NKAIN3: variants seen among roughly 807,000 people sequenced by gnomAD.
The protein encoded by NKAIN3 is sodium/potassium-transporting ATPase subunit beta-1-interacting protein 3.
NKAIN3 carries 25 observed loss-of-function variants against 30.2 expected under a neutral mutation model. The observed-to-expected ratio is 0.83, with a 90% CI of 0.60 to 1.16. The LOEUF is 1.16. Among genes scored for constraint, NKAIN3 ranks in the 50% most tolerant of loss-of-function variants. The pLI is 0.00. For synonymous variants in NKAIN3, 91 were observed against 89.6 expected (o/e 1.02, Z -0.09); for missense variants, 225 against 254.1 (o/e 0.89, Z 0.78).
chr8:62,396,442 T>C (rs541646071), intron 1 of NKAIN3, among the ~76,000 whole-genome samples: 2 of 152,350 alleles, frequency 1.3e-5, no homozygotes, highest in South Asian at 2.1e-4. Flanking sequence ...AGGCAGTTTA[T>C]ACTGGAATGT....
At chr8:62,456,549 C>A (rs1054237159) in intron 1 of NKAIN3, among the ~76,000 whole-genome samples, 6 of 151,582 alleles carry the variant, frequency 4.0e-5, no homozygotes, top group Non-Finnish European at 7.4e-5. Flanking sequence ...ATAAGGAAAT[C>A]TTTCTTGATC....
intron 4 of NKAIN3, among the ~76,000 whole-genome samples, chr8:62,843,733 T>G (rs1260050121): frequency 1.3e-5 from 2 of 152,242 alleles, no homozygotes; most frequent in Admixed American, 6.5e-5. Flanking sequence ...ATGACTAAGT[T>G]TGTGATGATT....
chr8:62,754,351 T>G lies in NKAIN3; in HGVS notation c.471+7222T>G, dbSNP rs939609875. ...TGGTAAACATGGATTCATATGCTCATGTTGATTAGTGCACACACACACACA... is the reference window on the plus strand; with the variant it reads ...TGGTAAACATGGATTCATATGCTCAGGTTGATTAGTGCACACACACACACA... On this transcript the variant is annotated intron_variant, in intron 4 of 6. Coordinates refer to ENST00000623646, the MANE Select transcript of NKAIN3 (RefSeq NM_001304533.3). Among the ~76,000 whole-genome samples, 17 of 126,524 alleles carry G rather than the reference T, an allele frequency of 1.3e-4. No individual in the cohort carries two copies. In the Admixed American group the frequency reaches 1.5e-3, roughly 11 times the overall value. 83.0% of individuals were successfully genotyped at this position (126,524 alleles called of 152,430 possible).
At chr8:62,436,826 A>G (rs1382275474) in intron 1 of NKAIN3, among the ~76,000 whole-genome samples, 1 of 152,166 alleles carries the variant, frequency 6.6e-6, no homozygotes, top group East Asian at 1.9e-4. Context: ...TGTTTCTCAA[A>G]AGTACTGGAC....
intron 1 of NKAIN3, among the ~76,000 whole-genome samples, chr8:62,540,340 T>C (rs1808799250): frequency 1.3e-5 from 2 of 152,182 alleles, no homozygotes; most frequent in Admixed American, 1.3e-4. Flanking sequence ...CTCCCACTCA[T>C]AATTAACCTC....
intron 3 of NKAIN3, among the ~76,000 whole-genome samples, chr8:62,737,688 C>T (rs1815718890): frequency 6.6e-6 from 1 of 152,146 alleles, no homozygotes; most frequent in Non-Finnish European, 1.5e-5. Flanking sequence ...TTTTGGCACC[C>T]ATCAAGTGGA....
intron 1 of NKAIN3, among the ~76,000 whole-genome samples, chr8:62,464,948 C>T (rs577122031): frequency 5.9e-5 from 9 of 152,214 alleles, no homozygotes; most frequent in South Asian, 2.1e-4. Context: ...ATTGGCATTT[C>T]AATGTACTGA....
At chr8:62,796,383 CA>C (rs71255362) in intron 4 of NKAIN3, among the ~76,000 whole-genome samples, 407 of 53,706 alleles carry the variant, frequency 7.6e-3, no homozygotes, top group East Asian at 0.019. Context: ...GACTCTGTCT[CA>C]AAAAAAAAAA....
chr8:62,772,724 G>A (rs917338491), intron 4 of NKAIN3, among the ~76,000 whole-genome samples: 3 of 149,624 alleles, frequency 2.0e-5, no homozygotes. Context: ...GCAGTGGCAC[G>A]ATCTCAGCTC....
At chr8:62,720,992 A>G (rs1266634256) in intron 3 of NKAIN3, among the ~76,000 whole-genome samples, 2 of 152,218 alleles carry the variant, frequency 1.3e-5, no homozygotes, top group African/African-American at 4.8e-5. Context: ...ATAGAGAGCC[A>G]CGTAAGAGCA....
At position 62,980,249 on chromosome 8, in the gene NKAIN3, G is replaced by A. The variant is rs948836469; in HGVS notation, c.*14842G>A. 6.6e-6 allele frequency: 1 copy of A among 152,172 alleles called. No homozygotes were observed. Among genetic ancestry groups the A allele is most frequent in the Non-Finnish European group, 1.5e-5 (1 of 68,032 alleles). The allele number at this position is 152,172 out of a possible 1,614,324, so 9.4% of individuals were successfully genotyped here. On this transcript the variant is annotated 3_prime_UTR_variant, in exon 7 of 7. Coordinates refer to ENST00000623646, the MANE Select transcript of NKAIN3 (RefSeq NM_001304533.3). ...CCTAAGGAATTGATTTTGCAAATCA[G>A]TGCTAAAGTCACTTTTTAACTGCCT...
rs1396652577 is a variant in NKAIN3, at chr8:62,517,141, CTGAT to C, written c.55-62395_55-62392del. On this transcript the variant is annotated intron_variant, in intron 1 of 6. Transcript: ENST00000623646. ...TTGAATAAATTATAATTTTTTTTCT[CTGAT>C]TGCAGAGGTTGGTGGTGACTTTTAG... Among the ~76,000 whole-genome samples the C allele has an allele frequency of 7.2e-5, 11 of 151,826 alleles. No individual in the cohort carries two copies. The South Asian group carries it at 8.3e-4, about 11-fold the overall frequency.
At chr8:62,866,890 C>A (rs1188945358) in intron 4 of NKAIN3, among the ~76,000 whole-genome samples, 193 of 125,766 alleles carry the variant, frequency 1.5e-3, no homozygotes, top group Non-Finnish European at 2.0e-3. Context: ...ACTAAAAATA[C>A]AAAAAAAAAA....
At chr8:62,506,392 A>G (rs1318688901) in intron 1 of NKAIN3, among the ~76,000 whole-genome samples, 1 of 151,990 alleles carries the variant, frequency 6.6e-6, no homozygotes, top group Non-Finnish European at 1.5e-5. Flanking sequence ...TTTCCTTAGA[A>G]TGCATGGGTA....
chr8:62,368,426 G>A (rs1816803261), intron 1 of NKAIN3, among the ~76,000 whole-genome samples: 1 of 152,168 alleles, frequency 6.6e-6, no homozygotes. Context: ...TTTGACAAAT[G>A]TGTTGAGAAC....
chr8:62,326,957 C>T (rs1019636353), intron 1 of NKAIN3, among the ~76,000 whole-genome samples: 2 of 151,970 alleles, frequency 1.3e-5, no homozygotes, highest in African/African-American at 2.4e-5. Flanking sequence ...CACATCCTTG[C>T]CAACACTTGC....
chr8:62,528,775 G>T (rs919408459), intron 1 of NKAIN3, among the ~76,000 whole-genome samples: 2 of 151,900 alleles, frequency 1.3e-5, no homozygotes, highest in Admixed American at 1.3e-4. Flanking sequence ...GGTATGACGT[G>T]GTTTTCTGTT....
At chr8:62,326,925 G>T (rs1307448903) in intron 1 of NKAIN3, among the ~76,000 whole-genome samples, 2 of 151,846 alleles carry the variant, frequency 1.3e-5, no homozygotes, top group African/African-American at 4.8e-5. Context: ...CCGCCGACAG[G>T]GAATAAAGAT....
At chr8:62,461,936 T>A (rs1806011999) in intron 1 of NKAIN3, among the ~76,000 whole-genome samples, 1 of 152,184 alleles carries the variant, frequency 6.6e-6, no homozygotes, top group South Asian at 2.1e-4. Context: ...CAGAACACTT[T>A]CTAAATTTGC....
Sources: allele counts gnomAD v4.1 joint callset (sites outside exome capture counted in the v4.1 genomes callset), GRCh38; gene constraint gnomAD v4.1.1; transcripts MANE v1.5; gene names NCBI Gene and HGNC (gene_info 2026-07-23, HGNC 2026-07-21).